The following CDH13 variants were observed in gnomAD, a reference collection of about 807,000 sequenced individuals.
CDH13 encodes the protein cadherin-13.
In CDH13, 24 loss-of-function variants were observed where a neutral mutation model predicts 63.8. The ratio of observed to expected loss-of-function variants is 0.38; its 90% CI spans 0.27 to 0.53. The LOEUF (loss-of-function observed/expected upper bound fraction) is 0.53. Ranked by LOEUF, CDH13 falls within the 20% of genes least tolerant of loss-of-function variation. The pLI is 0.85. For synonymous variants in CDH13, 503 were observed against 355.3 expected (o/e 1.42, Z -4.67); for missense variants, 1,049 against 903.1 (o/e 1.16, Z -2.07).
chr16:83,446,069 T>TA (rs950078274), intron 6 of CDH13, among the ~76,000 whole-genome samples: 4 of 151,448 alleles, frequency 2.6e-5, no homozygotes, highest in South Asian at 2.1e-4. Flanking sequence ...GAGGCTGAGG[T>TA]GGGGGGGCAG....
At position 83,162,184 on chromosome 16, in the gene CDH13, A is replaced by G. The variant is rs74031421; in HGVS notation, c.483+36683A>G. On this transcript the variant is annotated intron_variant, in intron 4 of 13. Transcript: ENST00000567109. ...TGGAATCTGTTTTACAGATAATAAGAAACATTCACGTGTTCCATCTTTTAC... is the reference window on the plus strand; with the variant it reads ...TGGAATCTGTTTTACAGATAATAAGGAACATTCACGTGTTCCATCTTTTAC... Among the ~76,000 whole-genome samples the G allele has an allele frequency of 3.8e-3, 584 of 152,232 alleles. 8 individuals are homozygous for G. Among genetic ancestry groups the G allele is most frequent in the African/African-American group, 0.013 (556 of 41,552 alleles).
At chr16:82,818,378 G>T (rs763423324) in intron 1 of CDH13, among the ~76,000 whole-genome samples, 1 of 152,106 alleles carries the variant, frequency 6.6e-6, no homozygotes, top group African/African-American at 2.4e-5. Context: ...GATGTTAACA[G>T]AAAGAGAGCA....
At chr16:82,754,174 G>A (rs905902707) in intron 1 of CDH13, among the ~76,000 whole-genome samples, 1 of 152,150 alleles carries the variant, frequency 6.6e-6, no homozygotes, top group African/African-American at 2.4e-5. Context: ...TAACTCTAAT[G>A]CCTGATATTT....
At chr16:83,382,596 G>C (rs1220236827) in intron 6 of CDH13, among the ~76,000 whole-genome samples, 1 of 152,080 alleles carries the variant, frequency 6.6e-6, no homozygotes, top group Non-Finnish European at 1.5e-5. Flanking sequence ...CAAGAAATGA[G>C]CACTGAAACA....
chr16:83,171,563 A>G (rs754094458), intron 4 of CDH13: 414 of 1,533,836 alleles, frequency 2.7e-4, no homozygotes, highest in Middle Eastern at 5.0e-4. Flanking sequence ...GATGGCTGAC[A>G]TGAGATAAGT....
intron 5 of CDH13, among the ~76,000 whole-genome samples, chr16:83,239,298 G>A (rs1402921001): frequency 6.6e-6 from 1 of 152,210 alleles, no homozygotes; most frequent in East Asian, 1.9e-4. Context: ...AGGAAATGAA[G>A]TTAGTGATCT....
intron 2 of CDH13, among the ~76,000 whole-genome samples, chr16:82,882,735 A>G (rs1475075821): frequency 3.9e-5 from 6 of 152,040 alleles, no homozygotes; most frequent in Admixed American, 3.3e-4. Context: ...TGTCTAATAC[A>G]TACAAAATCT....
At chr16:83,673,744 C>G (rs1486895261) in intron 9 of CDH13, among the ~76,000 whole-genome samples, 3 of 152,202 alleles carry the variant, frequency 2.0e-5, no homozygotes, top group Admixed American at 2.0e-4. Context: ...TTGCCCCAGA[C>G]CTGCTGTGTC....
intron 1 of CDH13, among the ~76,000 whole-genome samples, chr16:82,759,412 A>T (rs74030844): frequency 0.04 from 6,019 of 152,148 alleles, 409 homozygotes; most frequent in African/African-American, 0.14. Flanking sequence ...GTAGGGACCA[A>T]TGCATTATGG....
chr16:83,286,479 T>C (rs991696218), intron 5 of CDH13, among the ~76,000 whole-genome samples: 28 of 152,058 alleles, frequency 1.8e-4, no homozygotes, highest in Non-Finnish European at 3.7e-4. Flanking sequence ...TTTAAAAATA[T>C]ATCCTATTCT....
intron 7 of CDH13, among the ~76,000 whole-genome samples, chr16:83,514,260 A>G (rs1190922946): frequency 6.6e-6 from 1 of 152,232 alleles, no homozygotes. Context: ...CCAGAACCTC[A>G]GAATGTGTCT....
At chr16:83,584,304 G>C (rs1463090732) in intron 7 of CDH13, among the ~76,000 whole-genome samples, 2 of 152,158 alleles carry the variant, frequency 1.3e-5, no homozygotes, top group Non-Finnish European at 2.9e-5. Flanking sequence ...ACTCCAGCCC[G>C]GGCAATAGAG....
intron 10 of CDH13, among the ~76,000 whole-genome samples, chr16:83,730,664 G>T (rs385866): frequency 0.78 from 118,302 of 151,942 alleles, 46,433 homozygotes; most frequent in Middle Eastern, 0.82. Flanking sequence ...TTTTTGGTTT[G>T]TGGTTTTTTT....
intron 5 of CDH13, among the ~76,000 whole-genome samples, chr16:83,219,760 A>C (rs1190988502): frequency 6.6e-6 from 1 of 152,230 alleles, no homozygotes; most frequent in African/African-American, 2.4e-5. Context: ...TTTTACATAC[A>C]TTTAATTGAG....
intron 3 of CDH13, among the ~76,000 whole-genome samples, chr16:83,080,170 C>G (rs978181605): frequency 2.6e-5 from 4 of 152,092 alleles, no homozygotes; most frequent in Admixed American, 1.3e-4. Context: ...TGTTCTTTCT[C>G]TCTCGGTTCA....
At chr16:82,829,264 G>T (rs911358629) in intron 1 of CDH13, 2 of 152,106 alleles carry the variant, frequency 1.3e-5, no homozygotes, top group African/African-American at 4.8e-5. Context: ...TTCTACCCCA[G>T]GGTTCTTCTC....
At chr16:83,201,869 C>T (rs565415457) in intron 4 of CDH13, among the ~76,000 whole-genome samples, 1 of 152,058 alleles carries the variant, frequency 6.6e-6, no homozygotes, top group Admixed American at 6.5e-5. Context: ...GAGCTGAGAT[C>T]ACGCAACTGC....
At chr16:82,915,640 G>A (rs1287584411) in intron 2 of CDH13, among the ~76,000 whole-genome samples, 1 of 151,900 alleles carries the variant, frequency 6.6e-6, no homozygotes, top group Non-Finnish European at 1.5e-5. Context: ...ATGTCCCAAG[G>A]GCTGTGGTCT....
At chr16:83,216,429 T>TATATATAAATATATATATATATAA (rs1555513909) in intron 4 of CDH13, among the ~76,000 whole-genome samples, 1 of 105,708 alleles carries the variant, frequency 9.5e-6, no homozygotes, top group East Asian at 2.7e-4. Context: ...TATATATATA[T>TATATATAAATATATATATATATAA]ATATATATAT....
Sources: allele counts gnomAD v4.1 joint callset (sites outside exome capture counted in the v4.1 genomes callset), GRCh38; gene constraint gnomAD v4.1.1; transcripts MANE v1.5; gene names NCBI Gene and HGNC (gene_info 2026-07-23, HGNC 2026-07-21).